Variants in PALM2AKAP2 observed in about 807,000 individuals in gnomAD.
The protein encoded by PALM2AKAP2 is PALM2-AKAP2 fusion protein.
PALM2AKAP2 carries 37 observed loss-of-function variants against 71.5 expected under a neutral mutation model. The ratio of observed to expected loss-of-function variants is 0.52; its 90% CI spans 0.40 to 0.68. The LOEUF (loss-of-function observed/expected upper bound fraction) is 0.68, where lower values mean the gene tolerates loss of function less well. Among genes scored for constraint, PALM2AKAP2 ranks in the 30% least tolerant of loss-of-function variants. The pLI, the probability that PALM2AKAP2 is intolerant of heterozygous loss-of-function variation, is 0.00. For synonymous variants in PALM2AKAP2, 468 were observed against 478.8 expected, an observed-to-expected ratio of 0.98 and a Z score of 0.29; for missense variants, 1,224 against 1,191.8, an observed-to-expected ratio of 1.03 and a Z score of -0.40.
At chr9:109,769,039 A>C (rs1367585561) in intron 1 of PALM2AKAP2, among the ~76,000 whole-genome samples, 1 of 152,226 alleles carries the variant, frequency 6.6e-6, no homozygotes, top group Non-Finnish European at 1.5e-5. Context: ...TAATTTAAAA[A>C]GACTGTTGGA....
intron 6 of PALM2AKAP2, among the ~76,000 whole-genome samples, chr9:109,981,814 G>A (rs550392716): frequency 2.6e-5 from 4 of 151,956 alleles, no homozygotes; most frequent in South Asian, 2.1e-4. Context: ...AACAAATGCC[G>A]GCAAGGATGT....
chr9:109,776,019 A>G (rs991130169), upstream of PALM2AKAP2, among the ~76,000 whole-genome samples: 2 of 152,248 alleles, frequency 1.3e-5, no homozygotes, highest in African/African-American at 2.4e-5. Flanking sequence ...GTGATTTGTT[A>G]CATACATTAT....
intron 1 of PALM2AKAP2, among the ~76,000 whole-genome samples, chr9:110,071,499 A>C (rs1021950762): frequency 2.0e-5 from 3 of 152,194 alleles, no homozygotes; most frequent in African/African-American, 2.4e-5. Flanking sequence ...GATGTAGTCT[A>C]TCTTATTGAC....
At chr9:110,121,787 C>T (rs2119009221) in intron 1 of PALM2AKAP2, among the ~76,000 whole-genome samples, 1 of 152,344 alleles carries the variant, frequency 6.6e-6, no homozygotes, top group African/African-American at 2.4e-5. Flanking sequence ...AAATCCCTCT[C>T]AGCAAAAGTA....
At chr9:109,773,742 A>G (rs144037170) in intron 1 of PALM2AKAP2, among the ~76,000 whole-genome samples, 1 of 152,080 alleles carries the variant, frequency 6.6e-6, no homozygotes, top group East Asian at 1.9e-4. Context: ...TAGGATTGAT[A>G]CTTTGTCTTA....
chr9:109,977,065 C>T (rs1381778358), intron 6 of PALM2AKAP2, among the ~76,000 whole-genome samples: 1 of 151,994 alleles, frequency 6.6e-6, no homozygotes, highest in South Asian at 2.1e-4. Flanking sequence ...TCTAGGCCAC[C>T]TTAGAATCAG....
chr9:109,979,997 AGT>A (rs2132189524), intron 6 of PALM2AKAP2, among the ~76,000 whole-genome samples: 1 of 152,310 alleles, frequency 6.6e-6, no homozygotes, highest in East Asian at 1.9e-4. Flanking sequence ...ACAGGAAAGA[AGT>A]GTGTCCTCAG....
chr9:109,923,776 A>G (rs1466085599), exon 4 of PALM2AKAP2: 3 of 1,606,214 alleles, frequency 1.9e-6, no homozygotes, highest in Non-Finnish European at 2.5e-6. Context: ...GAAGAGTCCC[A>G]GATATCTGCC....
intron 1 of PALM2AKAP2, among the ~76,000 whole-genome samples, chr9:109,845,119 A>G (rs1210741860): frequency 1.3e-5 from 2 of 152,214 alleles, no homozygotes; most frequent in African/African-American, 2.4e-5. Flanking sequence ...TACTAAGTGC[A>G]TTTGAAGAGT....
At chr9:109,979,362 C>T (rs778136129) in intron 6 of PALM2AKAP2, among the ~76,000 whole-genome samples, 6 of 152,136 alleles carry the variant, frequency 3.9e-5, no homozygotes, top group Non-Finnish European at 8.8e-5. Context: ...TCTCAAGCCC[C>T]GCCTGTCTTA....
intron 1 of PALM2AKAP2, among the ~76,000 whole-genome samples, chr9:109,681,402 C>T (rs1423408431): frequency 6.6e-6 from 1 of 152,192 alleles, no homozygotes; most frequent in Non-Finnish European, 1.5e-5. Context: ...ATTATTCCAA[C>T]TCAACGATGC....
At chr9:109,690,651 C>A (rs713146) in intron 1 of PALM2AKAP2, among the ~76,000 whole-genome samples, 99,055 of 151,996 alleles carry the variant, frequency 0.65, 33,364 homozygotes, top group African/African-American at 0.83. Context: ...TCAAAGATAA[C>A]ATTAACCTAG....
At chr9:110,171,029 C>A (rs904224883) in exon 4 of PALM2AKAP2, 6 of 152,202 alleles carry the variant, frequency 3.9e-5, no homozygotes, top group African/African-American at 1.4e-4. Context: ...CTGGTAGAGA[C>A]CATAGACATG....
chr9:109,739,437 C>T (rs1828685965), intron 1 of PALM2AKAP2, among the ~76,000 whole-genome samples: 1 of 152,092 alleles, frequency 6.6e-6, no homozygotes, highest in South Asian at 2.1e-4. Flanking sequence ...TTTACTCATC[C>T]AAAGCTGAAC....
At chr9:109,942,733 G>C in intron 6 of PALM2AKAP2, 1 of 1,610,068 alleles carries the variant, frequency 6.2e-7, no homozygotes, top group Non-Finnish European at 8.5e-7. Context: ...ACAAACAGGA[G>C]AGACCAAGAT....
At chr9:110,075,102 A>G (rs903218501) in intron 1 of PALM2AKAP2, among the ~76,000 whole-genome samples, 1 of 152,248 alleles carries the variant, frequency 6.6e-6, no homozygotes, top group Non-Finnish European at 1.5e-5. Context: ...TTTGTTGTCA[A>G]TTGACAATCT....
chr9:109,819,379 G>T (rs1473659738), intron 1 of PALM2AKAP2, among the ~76,000 whole-genome samples: 1 of 152,188 alleles, frequency 6.6e-6, no homozygotes, highest in Non-Finnish European at 1.5e-5. Context: ...GACCCAAATT[G>T]ATTCCGGAAG....
chr9:109,971,286 T>C (rs1832062851), intron 6 of PALM2AKAP2, among the ~76,000 whole-genome samples: 1 of 98,478 alleles, frequency 1.0e-5, no homozygotes, highest in Non-Finnish European at 2.2e-5. Flanking sequence ...TTAGTCCCTT[T>C]TTTTTTTTTT....
chr9:110,061,639 A>T (rs957353775), intron 1 of PALM2AKAP2, among the ~76,000 whole-genome samples: 2 of 148,150 alleles, frequency 1.3e-5, no homozygotes, highest in Non-Finnish European at 3.0e-5. Context: ...ATATTTATTT[A>T]TATATATATG....
Sources: allele counts gnomAD v4.1 joint callset (sites outside exome capture counted in the v4.1 genomes callset), GRCh38; gene constraint gnomAD v4.1.1; transcripts MANE v1.5; gene names NCBI Gene and HGNC (gene_info 2026-07-23, HGNC 2026-07-21).